The following MAD1L1 variants were observed in gnomAD, a reference collection of about 807,000 sequenced individuals.
MAD1L1 encodes mitotic arrest deficient 1 like 1.
Under a neutral mutation model 96.9 loss-of-function variants are expected in MAD1L1, and 95 were observed. That is an observed-to-expected ratio of 0.98 (90% CI 0.83 to 1.16). MAD1L1 has a LOEUF of 1.16. MAD1L1 is among the 50% of genes most tolerant of loss of function. The pLI is 0.00. For missense variants in MAD1L1, 1,007 were observed against 954.4 expected, an observed-to-expected ratio of 1.06 and a Z score of -0.73; for synonymous variants, 473 against 396.6, an observed-to-expected ratio of 1.19 and a Z score of -2.29.
intron 17 of MAD1L1, among the ~76,000 whole-genome samples, chr7:1,931,187 G>T (rs57265014): frequency 1.1e-5 from 1 of 91,828 alleles, no homozygotes; most frequent in African/African-American, 3.8e-5. Context: ...GCGAGGGCGC[G>T]TCGTGGGGTC....
intron 12 of MAD1L1, among the ~76,000 whole-genome samples, chr7:2,060,345 G>A (rs747232689): frequency 6.7e-6 from 1 of 149,224 alleles, no homozygotes; most frequent in Non-Finnish European, 1.5e-5. Context: ...ATGCCAAGAT[G>A]TCGAGATATG....
chr7:2,066,923 C>T (rs558305004), intron 12 of MAD1L1, among the ~76,000 whole-genome samples: 1 of 152,366 alleles, frequency 6.6e-6, no homozygotes, highest in African/African-American at 2.4e-5. Flanking sequence ...GCTGGCCTCA[C>T]TTAAGAAACC....
intron 10 of MAD1L1, among the ~76,000 whole-genome samples, chr7:2,157,104 C>T (rs1237125392): frequency 6.6e-6 from 1 of 152,234 alleles, no homozygotes; most frequent in African/African-American, 2.4e-5. Context: ...ACACCTGAAA[C>T]TGCATGACAC....
At chr7:2,218,401 C>A (rs1241544977) in intron 6 of MAD1L1, among the ~76,000 whole-genome samples, 1 of 152,244 alleles carries the variant, frequency 6.6e-6, no homozygotes, top group African/African-American at 2.4e-5. Flanking sequence ...GGGCCCCACC[C>A]AGGAATGACC....
At chr7:1,978,030 C>A (rs1364983385) in intron 15 of MAD1L1, among the ~76,000 whole-genome samples, 2 of 152,274 alleles carry the variant, frequency 1.3e-5, no homozygotes, top group Non-Finnish European at 2.9e-5. Context: ...ACCAGCCACA[C>A]CAGCCCAGAC....
At chr7:2,155,178 G>C (rs999720577) in intron 10 of MAD1L1, among the ~76,000 whole-genome samples, 1 of 152,086 alleles carries the variant, frequency 6.6e-6, no homozygotes, top group African/African-American at 2.4e-5. Flanking sequence ...AGCGAGCAAA[G>C]GGGGGTCCTC....
At chr7:1,975,672 G>C (rs1054997324) in intron 15 of MAD1L1, among the ~76,000 whole-genome samples, 1 of 152,236 alleles carries the variant, frequency 6.6e-6, no homozygotes, top group African/African-American at 2.4e-5. Context: ...CCTCTGGAAA[G>C]GACGTGGGCC....
chr7:1,877,912 GGAGA>G (rs1011085004), intron 18 of MAD1L1, among the ~76,000 whole-genome samples: 1 of 152,034 alleles, frequency 6.6e-6, no homozygotes, highest in Non-Finnish European at 1.5e-5. Context: ...AGATCTGAAA[GGAGA>G]GAGATAAAAA....
At chr7:2,150,600 C>T (rs570665218) in intron 10 of MAD1L1, among the ~76,000 whole-genome samples, 5 of 152,320 alleles carry the variant, frequency 3.3e-5, no homozygotes, top group East Asian at 1.9e-4. Context: ...CTGTTTTGCA[C>T]GGCACAGAGG....
Position 2,146,665 on chromosome 7 carries a change from C to CA in MAD1L1, c.1073+2486dup. 6.6e-6 allele frequency among the ~76,000 whole-genome samples: 1 copy of CA among 152,354 alleles called. No individual in the cohort carries two copies. The highest frequency in any genetic ancestry group is 2.1e-4 in the South Asian group (1 of 4,826). On this transcript the variant is annotated intron_variant, in intron 11 of 18. Coordinates refer to ENST00000265854, the MANE Select transcript of MAD1L1 (RefSeq NM_001013836.2). This position sits in a 1 kb window ranked among gnomAD's most constrained non-coding sequence, Gnocchi z 6.2. Reference sequence around the variant, plus strand: ...ACTACAAGCTACTTTCAATGAGAAACAAACAAAAGTGACTTTAAAATGAGG... The same window carrying CA: ...ACTACAAGCTACTTTCAATGAGAAACAAAACAAAAGTGACTTTAAAATGAGG...
At chr7:1,967,754 C>T (rs1418930256) in intron 15 of MAD1L1, among the ~76,000 whole-genome samples, 12 of 152,220 alleles carry the variant, frequency 7.9e-5, no homozygotes, top group Non-Finnish European at 1.5e-4. Context: ...CACAGCAGGG[C>T]GCGGCCGGCC....
chr7:2,131,114 G>A (rs1446880808), intron 11 of MAD1L1, among the ~76,000 whole-genome samples: 1 of 152,164 alleles, frequency 6.6e-6, no homozygotes, highest in African/African-American at 2.4e-5. Flanking sequence ...ATTTTGGGTT[G>A]ACATACTGCA....
chr7:2,223,956 T>C (rs1048770208), intron 4 of MAD1L1, among the ~76,000 whole-genome samples: 1 of 152,162 alleles, frequency 6.6e-6, no homozygotes, highest in African/African-American at 2.4e-5. Flanking sequence ...AGGACAGTCC[T>C]GTTAGAAGGT....
At chr7:1,819,661 C>A (rs1303008334) in intron 18 of MAD1L1, among the ~76,000 whole-genome samples, 1 of 152,174 alleles carries the variant, frequency 6.6e-6, no homozygotes, top group African/African-American at 2.4e-5. Flanking sequence ...TCCCCTGAGC[C>A]GAGCCCCATG....
chr7:2,123,589 G>C (rs1029483015), intron 11 of MAD1L1, among the ~76,000 whole-genome samples: 1 of 152,156 alleles, frequency 6.6e-6, no homozygotes, highest in African/African-American at 2.4e-5. Context: ...AGCCAGCCCC[G>C]CCAAGGGCAC....
intron 15 of MAD1L1, among the ~76,000 whole-genome samples, chr7:1,962,423 C>G (rs1164420718): frequency 6.6e-6 from 1 of 152,050 alleles, no homozygotes; most frequent in East Asian, 1.9e-4. Context: ...GACTAATATC[C>G]AAAGGATCAT....
chr7:2,097,446 C>CA (rs1786552585), intron 11 of MAD1L1, among the ~76,000 whole-genome samples: 1 of 152,210 alleles, frequency 6.6e-6, no homozygotes, highest in Admixed American at 6.5e-5. Context: ...GCCCAGGCCT[C>CA]AGACAGGCGA....
At chr7:1,847,526 G>C (rs1380174564) in intron 18 of MAD1L1, 2 of 471,014 alleles carry the variant, frequency 4.2e-6, no homozygotes, top group Non-Finnish European at 8.8e-6. Flanking sequence ...AGGTTCCATG[G>C]GAGAGACCAG....
intron 11 of MAD1L1, among the ~76,000 whole-genome samples, chr7:2,087,701 G>A (rs1448337450): frequency 1.3e-5 from 2 of 152,202 alleles, no homozygotes; most frequent in Non-Finnish European, 1.5e-5. Flanking sequence ...AGGAACAGTG[G>A]TACTTGGGAA....
Sources: allele counts gnomAD v4.1 joint callset (sites outside exome capture counted in the v4.1 genomes callset), GRCh38; gene constraint gnomAD v4.1.1; non-coding constraint Gnocchi (gnomAD v3.1); transcripts MANE v1.5; gene names NCBI Gene and HGNC (gene_info 2026-07-23, HGNC 2026-07-21).